Variants in GRID2 observed in about 807,000 individuals in gnomAD.
GRID2 encodes the protein glutamate ionotropic receptor delta type subunit 2.
GRID2 carries 33 observed loss-of-function variants against 114.8 expected under a neutral mutation model. The observed-to-expected ratio is 0.29, with a 90% CI of 0.22 to 0.38. GRID2 has a LOEUF of 0.38. GRID2 is among the 10% of genes least tolerant of loss of function. The pLI is 1.00. For missense variants in GRID2, 1,184 were observed against 1,257.7 expected (o/e 0.94, Z 0.89); for synonymous variants, 505 against 449.9 (o/e 1.12, Z -1.55).
intron 4 of GRID2, among the ~76,000 whole-genome samples, chr4:93,197,530 A>G (rs1009047284): frequency 9.9e-5 from 15 of 152,214 alleles, no homozygotes; most frequent in Admixed American, 6.5e-4. Flanking sequence ...TATTAATGAC[A>G]TACTGTAAAT....
intron 14 of GRID2, among the ~76,000 whole-genome samples, chr4:93,754,862 A>G (rs13117830): frequency 0.31 from 47,341 of 152,062 alleles, 7,895 homozygotes; most frequent in Middle Eastern, 0.45. Context: ...CATTTTGTAC[A>G]TACACATTTA....
intron 1 of GRID2, among the ~76,000 whole-genome samples, chr4:92,353,013 G>C (rs1728146150): frequency 6.6e-6 from 1 of 151,580 alleles, no homozygotes. Context: ...CCAGTAATCT[G>C]TATGTTTGTC....
At chr4:92,408,468 T>C (rs980531260) in intron 1 of GRID2, among the ~76,000 whole-genome samples, 4 of 138,974 alleles carry the variant, frequency 2.9e-5, no homozygotes, top group Admixed American at 1.5e-4. Flanking sequence ...TTTTTTGCTG[T>C]TGTTGTTTTA....
chr4:92,881,658 G>C (rs17019990), intron 2 of GRID2, among the ~76,000 whole-genome samples: 4,044 of 152,096 alleles, frequency 0.027, 119 homozygotes, highest in East Asian at 0.074. Flanking sequence ...AACCATAATG[G>C]CTGCTAAAAA....
chr4:92,309,180 AT>A (rs1036544095), intron 1 of GRID2, among the ~76,000 whole-genome samples: 1 of 152,018 alleles, frequency 6.6e-6, no homozygotes, highest in African/African-American at 2.4e-5. Flanking sequence ...GCCAATTGAA[AT>A]TGTTAGGAGT....
intron 8 of GRID2, among the ~76,000 whole-genome samples, chr4:93,262,004 G>A (rs985086505): frequency 2.0e-5 from 3 of 151,402 alleles, no homozygotes; most frequent in South Asian, 2.1e-4. Flanking sequence ...GATCTTATCC[G>A]TCCAGCTTCT....
chr4:93,168,982 A>G (rs1200228612), intron 4 of GRID2, among the ~76,000 whole-genome samples: 1 of 152,146 alleles, frequency 6.6e-6, no homozygotes, highest in Non-Finnish European at 1.5e-5. Context: ...TTCAAACTAT[A>G]GAAACAGAGC....
chr4:93,451,901 G>A (rs1162210284), intron 10 of GRID2, among the ~76,000 whole-genome samples: 1 of 152,114 alleles, frequency 6.6e-6, no homozygotes, highest in Admixed American at 6.6e-5. Context: ...AATATCATAA[G>A]TATGATGTTG....
chr4:92,705,555 T>A (rs1038732740), intron 2 of GRID2, among the ~76,000 whole-genome samples: 36 of 152,304 alleles, frequency 2.4e-4, no homozygotes, highest in African/African-American at 8.4e-4. Context: ...TAGAAGCTTG[T>A]TGAATGTTAG....
chr4:92,487,784 C>T (rs1057369173), intron 1 of GRID2, among the ~76,000 whole-genome samples: 1 of 151,628 alleles, frequency 6.6e-6, no homozygotes, highest in Non-Finnish European at 1.5e-5. Context: ...TTTATTTTTT[C>T]CTGCTACATA....
chr4:93,421,425 A>G (rs921557370), intron 9 of GRID2, among the ~76,000 whole-genome samples: 2 of 152,222 alleles, frequency 1.3e-5, no homozygotes, highest in African/African-American at 4.8e-5. Flanking sequence ...ATTTTGCTCT[A>G]AGATAACATA....
chr4:92,582,635 T>A (rs1023440048), intron 1 of GRID2, among the ~76,000 whole-genome samples: 1 of 151,938 alleles, frequency 6.6e-6, no homozygotes, highest in Admixed American at 6.6e-5. Flanking sequence ...GAAACCTATT[T>A]GAGAATTTTA....
At chr4:92,484,789 G>T (rs1169389426) in intron 1 of GRID2, among the ~76,000 whole-genome samples, 3 of 151,830 alleles carry the variant, frequency 2.0e-5, no homozygotes, top group Non-Finnish European at 4.4e-5. Context: ...TATGAGGTAT[G>T]GAGTTGTATA....
chr4:92,531,492 G>A (rs1725353523), intron 1 of GRID2, among the ~76,000 whole-genome samples: 1 of 152,060 alleles, frequency 6.6e-6, no homozygotes, highest in Non-Finnish European at 1.5e-5. Flanking sequence ...GTACCAAAAA[G>A]GATCAGAGAG....
intron 2 of GRID2, among the ~76,000 whole-genome samples, chr4:92,995,367 A>G (rs540603779): frequency 5.9e-4 from 90 of 152,248 alleles, no homozygotes; most frequent in African/African-American, 2.1e-3. Context: ...AACTCAAATT[A>G]TATTGCACAT....
At chr4:93,264,583 A>C (rs1183141623) in intron 8 of GRID2, among the ~76,000 whole-genome samples, 1 of 151,266 alleles carries the variant, frequency 6.6e-6, no homozygotes, top group African/African-American at 2.4e-5. Context: ...AATAAGCTCC[A>C]TGGATGACTT....
chr4:92,891,041 C>T (rs763155543), intron 2 of GRID2, among the ~76,000 whole-genome samples: 1 of 152,062 alleles, frequency 6.6e-6, no homozygotes. Context: ...CATGTTCTCA[C>T]TCATAAGTGG....
chr4:93,324,893 C>T (rs906277427), intron 8 of GRID2, among the ~76,000 whole-genome samples: 6 of 152,094 alleles, frequency 3.9e-5, no homozygotes, highest in Middle Eastern at 3.4e-3. Context: ...TCCCCTTTAT[C>T]GTTTTTTATT....
At position 93,574,623 on chromosome 4, in the gene GRID2, C is replaced by A. The variant is rs543960082; in HGVS notation, c.2194-51646C>A. The stretch of plus-strand genomic sequence containing the variant: ...CTTCAGATCTTGTGAGACTTATTCA[C>A]TATCACAAGAACAACACAGGAAAGA... On this transcript the variant is annotated intron_variant, in intron 13 of 15. Transcript: ENST00000282020. Among the ~76,000 whole-genome samples, 20 of 152,222 alleles carry A rather than the reference C, an allele frequency of 1.3e-4. 1 individual carries two copies. The South Asian group carries it at 3.9e-3, about 30-fold the overall frequency.
Sources: gnomAD v4.1 joint callset for allele counts (sites outside exome capture counted in the v4.1 genomes callset) on GRCh38, gnomAD v4.1.1 for gene constraint, MANE v1.5 for transcripts, NCBI Gene and HGNC (gene_info 2026-07-23, HGNC 2026-07-21) for gene names.